The following SDK1 variants were observed in gnomAD, a reference collection of about 807,000 sequenced individuals.
SDK1 encodes sidekick cell adhesion molecule 1.
In SDK1, 157 loss-of-function variants were observed where a neutral mutation model predicts 245.5. That is an observed-to-expected ratio of 0.64 (90% CI 0.56 to 0.73). The LOEUF (loss-of-function observed/expected upper bound fraction) is 0.73, where lower values mean the gene tolerates loss of function less well. Ranked by LOEUF, SDK1 falls within the 30% of genes least tolerant of loss-of-function variation. SDK1 has a pLI of 0.00. For synonymous variants in SDK1, 1,647 were observed against 1,278.5 expected (o/e 1.29, Z -6.15); for missense variants, 3,583 against 3,002.3 (o/e 1.19, Z -4.52).
intron 1 of SDK1, among the ~76,000 whole-genome samples, chr7:3,585,986 G>A (rs778329532): frequency 2.0e-5 from 3 of 152,266 alleles, no homozygotes; most frequent in East Asian, 1.9e-4. Context: ...ATCAGCTTTC[G>A]GATATGCAAA....
intron 1 of SDK1, among the ~76,000 whole-genome samples, chr7:3,509,945 T>C (rs996001718): frequency 6.6e-6 from 1 of 152,102 alleles, no homozygotes; most frequent in Non-Finnish European, 1.5e-5. Context: ...CCAGACTCAT[T>C]AAATGAAGGT....
intron 1 of SDK1, among the ~76,000 whole-genome samples, chr7:3,357,847 G>A (rs1237529281): frequency 6.6e-6 from 1 of 152,096 alleles, no homozygotes. Flanking sequence ...GTGATTAAGC[G>A]TATTTTCCCC....
At chr7:4,102,909 T>C (rs559504690) in intron 22 of SDK1, among the ~76,000 whole-genome samples, 34 of 150,924 alleles carry the variant, frequency 2.3e-4, no homozygotes, top group African/African-American at 8.3e-4. Context: ...TTTCTGCCTT[T>C]GTCCGAAATA....
chr7:3,911,760 G>T (rs766900237), intron 5 of SDK1, among the ~76,000 whole-genome samples: 4 of 152,194 alleles, frequency 2.6e-5, no homozygotes, highest in African/African-American at 4.8e-5. Context: ...AGGTCACACA[G>T]ATGTGAAAAT....
At chr7:3,631,695 C>G (rs998464647) in intron 2 of SDK1, among the ~76,000 whole-genome samples, 9 of 152,158 alleles carry the variant, frequency 5.9e-5, no homozygotes, top group Non-Finnish European at 1.0e-4. Flanking sequence ...TGGAGAATCT[C>G]TGAGGCAGAA....
chr7:4,266,316 C>T lies in SDK1; in HGVS notation c.*932C>T. On this transcript the variant is annotated 3_prime_UTR_variant, in exon 45 of 45. Transcript: ENST00000404826. ...TGAAATGAATGCGTCTTTGCTGTCT[C>T]CAGGTGCCTTTTTATTAATTGTTCA... is the stretch of plus-strand genomic sequence containing the variant. 1 of 985,408 alleles carries T rather than the reference C, an allele frequency of 1.0e-6. No homozygotes were observed. The highest frequency in any genetic ancestry group is 1.2e-6 in the Non-Finnish European group (1 of 829,908). 61.0% of individuals were successfully genotyped at this position (985,408 alleles called of 1,614,324 possible). A position where few individuals can be genotyped will look rare whatever the true frequency, so the allele number is the denominator to read the frequency against.
chr7:3,540,694 C>G (rs1328540611), intron 1 of SDK1, among the ~76,000 whole-genome samples: 3 of 152,172 alleles, frequency 2.0e-5, no homozygotes, highest in African/African-American at 7.2e-5. Flanking sequence ...ATGGTGCAGT[C>G]TGTGACACTG....
chr7:3,538,194 A>T (rs776382115), intron 1 of SDK1, among the ~76,000 whole-genome samples: 12 of 152,110 alleles, frequency 7.9e-5, no homozygotes, highest in African/African-American at 2.9e-4. Flanking sequence ...TGTGTTGGCA[A>T]TTACATTGGC....
In SDK1 at chr7:3,425,048, A is replaced by G. The variant is rs370010002; in HGVS notation, c.298+123164A>G. ...AATCAATATCGTTACCACATTCTCT[A>G]TGTGGAAAAAGTATTCAAATCTTGA... On this transcript the variant is annotated intron_variant, in intron 1 of 44. Transcript: ENST00000404826. Among the ~76,000 whole-genome samples, 32 of 152,022 alleles carry G rather than the reference A, an allele frequency of 2.1e-4. 2 individuals are homozygous for G. The highest frequency in any genetic ancestry group is 7.5e-4 in the African/African-American group (31 of 41,486).
intron 35 of SDK1, among the ~76,000 whole-genome samples, chr7:4,183,535 G>A (rs907693037): frequency 2.6e-5 from 4 of 151,754 alleles, no homozygotes; most frequent in South Asian, 4.2e-4. Flanking sequence ...CTCGGGAGGC[G>A]GAGGCAGGAG....
At position 4,146,239 on chromosome 7, in the gene SDK1, CAT is replaced by C. The variant is rs753254919; in HGVS notation, c.4423+324_4423+325del. 3.3e-3 allele frequency among the ~76,000 whole-genome samples: 489 copies of C among 150,308 alleles called. 1 individual carries two copies. The highest frequency in any genetic ancestry group is 9.3e-3 in the African/African-American group (380 of 40,840). On this transcript the variant is annotated intron_variant, in intron 29 of 44. Transcript: ENST00000404826. The stretch of plus-strand genomic sequence containing the variant: ...TCTGCCTCACACCTGCTCTCTCAGA[CAT>C]GTGAGCATTTCGTGACACACTTTCA...
At chr7:4,046,989 T>G (rs1209188936) in intron 17 of SDK1, among the ~76,000 whole-genome samples, 2 of 152,194 alleles carry the variant, frequency 1.3e-5, no homozygotes, top group East Asian at 1.9e-4. Flanking sequence ...GATTCTGTAT[T>G]GACTTAGGTG....
At chr7:4,130,151 T>C in intron 27 of SDK1, 54 bp downstream of exon 27, 1 of 1,479,032 alleles carries the variant, frequency 6.8e-7, no homozygotes, top group Non-Finnish European at 9.1e-7. Context: ...GGTTGGCCTT[T>C]CCAATGCAAA....
At chr7:3,494,583 C>A (rs951881010) in intron 1 of SDK1, among the ~76,000 whole-genome samples, 7 of 152,190 alleles carry the variant, frequency 4.6e-5, no homozygotes, top group African/African-American at 1.4e-4. Context: ...TTAACATATT[C>A]ATCACCTTAA....
In SDK1 at chr7:4,268,957, C is replaced by A; in HGVS notation, c.*3573C>A. ...CAACTTGTAGGAAGACAGAGAGGTG[C>A]TATGGGTACAATTTTTAATAAAAAC... is the stretch of plus-strand genomic sequence containing the variant. On this transcript the variant is annotated 3_prime_UTR_variant, in exon 45 of 45. Coordinates refer to ENST00000404826, the MANE Select transcript of SDK1 (RefSeq NM_152744.4). 1 of 302,622 alleles carries A rather than the reference C, an allele frequency of 3.3e-6. No individual in the cohort carries two copies. Among genetic ancestry groups the A allele is most frequent in the Non-Finnish European group, 6.7e-6 (1 of 149,746 alleles). The allele number at this position is 302,622 out of a possible 1,614,324, so 18.7% of individuals were successfully genotyped here. A position where few individuals can be genotyped will look rare whatever the true frequency, so the allele number is the denominator to read the frequency against.
At chr7:4,077,826 G>T (rs753319668) in intron 21 of SDK1, among the ~76,000 whole-genome samples, 1 of 152,192 alleles carries the variant, frequency 6.6e-6, no homozygotes, top group Non-Finnish European at 1.5e-5. Flanking sequence ...TGACACATGG[G>T]AAATGTGGGA....
intron 17 of SDK1, among the ~76,000 whole-genome samples, chr7:4,048,093 G>A (rs6956096): frequency 6.6e-6 from 1 of 152,208 alleles, no homozygotes; most frequent in Non-Finnish European, 1.5e-5. Flanking sequence ...CTCTGCCTGA[G>A]ACGGGCTTTT....
intron 4 of SDK1, among the ~76,000 whole-genome samples, chr7:3,732,868 C>T (rs1583353173): frequency 1.3e-5 from 2 of 152,142 alleles, no homozygotes; most frequent in Non-Finnish European, 2.9e-5. Context: ...TGTTATTCTC[C>T]CTTTCTGACA....
In SDK1 at chr7:4,268,242, G is replaced by A. The variant is rs1788589670; in HGVS notation, c.*2858G>A. ...CCCTGCAAGGATGTGGTCACGGAGT[G>A]GCCAGGAGGCTCCGTCTGAGCCACA... On this transcript the variant is annotated 3_prime_UTR_variant, in exon 45 of 45. Transcript: ENST00000404826. The A allele has an allele frequency of 2.0e-6, 2 of 997,748 alleles. No homozygotes were observed. The highest frequency in any genetic ancestry group is 2.4e-6 in the Non-Finnish European group (2 of 837,486). The allele number at this position is 997,748 out of a possible 1,614,324, so 61.8% of individuals were successfully genotyped here.
Sources: allele counts gnomAD v4.1 joint callset (sites outside exome capture counted in the v4.1 genomes callset), GRCh38; gene constraint gnomAD v4.1.1; transcripts MANE v1.5; gene names NCBI Gene and HGNC (gene_info 2026-07-23, HGNC 2026-07-21).